SPAG17: variants seen among roughly 807,000 people sequenced by gnomAD.
SPAG17 encodes sperm associated antigen 17.
A neutral mutation model predicts 273.6 loss-of-function variants in SPAG17; 169 were observed. The ratio of observed to expected loss-of-function variants is 0.62; its 90% CI spans 0.55 to 0.70. The LOEUF is 0.70. SPAG17 is among the 30% of genes least tolerant of loss of function. The probability of loss-of-function intolerance (pLI) is 0.00; values close to 1 mark genes in which losing one functional copy is unlikely to be tolerated. For synonymous variants in SPAG17, 825 were observed against 873.2 expected (o/e 0.94, Z 0.97); for missense variants, 2,557 against 2,627.8 (o/e 0.97, Z 0.59).
chr1:118,139,575 A>G (rs1658552581), intron 3 of SPAG17, among the ~76,000 whole-genome samples: 1 of 152,220 alleles, frequency 6.6e-6, no homozygotes, highest in South Asian at 2.1e-4. Flanking sequence ...GCGTTCATCA[A>G]CATATGGATA....
At chr1:118,029,272 T>C (rs997695013) in intron 25 of SPAG17, among the ~76,000 whole-genome samples, 2 of 152,086 alleles carry the variant, frequency 1.3e-5, no homozygotes. Flanking sequence ...AGAAACAGGC[T>C]CTTACCAGAC....
At chr1:118,085,064 C>T (rs1353464499) in intron 13 of SPAG17, among the ~76,000 whole-genome samples, 7 of 152,176 alleles carry the variant, frequency 4.6e-5, no homozygotes, top group African/African-American at 1.7e-4. Context: ...ATATCTACAT[C>T]TGCCTCCCAA....
chr1:118,059,701 C>G (rs1012842299), intron 18 of SPAG17, among the ~76,000 whole-genome samples: 1 of 151,888 alleles, frequency 6.6e-6, no homozygotes, highest in Non-Finnish European at 1.5e-5. Flanking sequence ...CTTTCTTTAC[C>G]TTTTGTAACA....
intron 13 of SPAG17, among the ~76,000 whole-genome samples, chr1:118,085,067 C>A (rs1654881468): frequency 6.6e-6 from 1 of 152,166 alleles, no homozygotes; most frequent in South Asian, 2.1e-4. Flanking sequence ...TCTACATCTG[C>A]CTCCCAAGTC....
chr1:118,110,918 T>C (rs2102244807), intron 4 of SPAG17, among the ~76,000 whole-genome samples: 1 of 152,300 alleles, frequency 6.6e-6, no homozygotes, highest in Non-Finnish European at 1.5e-5. Context: ...GAATCCCAGC[T>C]CTTCCACTGA....
chr1:118,144,646 TC>T (rs1658871380), intron 3 of SPAG17, among the ~76,000 whole-genome samples: 3 of 152,210 alleles, frequency 2.0e-5, no homozygotes, highest in Non-Finnish European at 2.9e-5. Context: ...GATAGTGGTT[TC>T]TAAATGTGGA....
chr1:117,958,046 C>T (rs1049090583), intron 48 of SPAG17, among the ~76,000 whole-genome samples: 79 of 152,182 alleles, frequency 5.2e-4, no homozygotes, highest in African/African-American at 1.8e-3. Flanking sequence ...ATCTCTCACC[C>T]TCATTCTCAA....
intron 48 of SPAG17, among the ~76,000 whole-genome samples, chr1:117,958,078 G>C (rs770169214): frequency 1.3e-5 from 2 of 152,156 alleles, no homozygotes; most frequent in Non-Finnish European, 2.9e-5. Context: ...AGAGAACAGG[G>C]ATGGAGACAA....
intron 48 of SPAG17, chr1:117,954,733 C>T: frequency 8.6e-7 from 1 of 1,164,292 alleles, no homozygotes; most frequent in Non-Finnish European, 1.2e-6. Flanking sequence ...ATTGGGAATA[C>T]TTTGTCTTCA....
intron 18 of SPAG17, among the ~76,000 whole-genome samples, chr1:118,056,442 A>T (rs1651683179): frequency 6.6e-6 from 1 of 152,176 alleles, no homozygotes; most frequent in African/African-American, 2.4e-5. Flanking sequence ...ACTATTCTCT[A>T]ACTGCTTGTG....
At chr1:118,072,657 A>T (rs546618999) in intron 17 of SPAG17, among the ~76,000 whole-genome samples, 5 of 152,360 alleles carry the variant, frequency 3.3e-5, no homozygotes, top group African/African-American at 1.2e-4. Flanking sequence ...CATACAGGAA[A>T]TGTAATTATA....
chr1:118,064,178 C>T (rs540213696), intron 18 of SPAG17, among the ~76,000 whole-genome samples: 14 of 152,224 alleles, frequency 9.2e-5, no homozygotes, highest in Non-Finnish European at 1.6e-4. Context: ...GTCAGTGTGG[C>T]GATTCCTCAG....
chr1:117,992,537 G>A lies in SPAG17; in HGVS notation c.5290C>T (p.Gln1764Ter). 6.2e-7 allele frequency: 1 copy of A among 1,613,818 alleles called. No individual in the cohort carries two copies. The highest frequency in any genetic ancestry group is 8.5e-7 in the Non-Finnish European group (1 of 1,179,844). ...TCATGCTGAATGAATTGGCGCATCT[G>A]TAGCACACTGGGGCTCTTGAGTATG... ...GAILKSPSVL[Q>*]MRQFIQHEVI... is the part of the protein sequence containing the mutation. The change falls in exon 36 of 49, where the codon CAG becomes TAG. Residue 1764 changes from glutamine to a stop codon, truncating the protein, a stop_gained. Transcript: ENST00000336338. LOFTEE classifies it high-confidence loss of function.
intron 1 of SPAG17, among the ~76,000 whole-genome samples, chr1:118,158,869 A>T (rs1659779820): frequency 1.3e-5 from 2 of 152,250 alleles, no homozygotes; most frequent in Admixed American, 1.3e-4. Flanking sequence ...ACTCAAAGTG[A>T]TGCCCTGCTA....
chr1:118,091,240 C>G (rs1288572163), intron 10 of SPAG17, among the ~76,000 whole-genome samples: 2 of 152,092 alleles, frequency 1.3e-5, no homozygotes, highest in African/African-American at 2.4e-5. Flanking sequence ...ATACAAAAAT[C>G]TAGTTAAATC....
intron 46 of SPAG17, among the ~76,000 whole-genome samples, chr1:117,967,061 A>G (rs905038381): frequency 1.3e-5 from 2 of 152,158 alleles, no homozygotes; most frequent in South Asian, 2.1e-4. Context: ...AAATTTTGCA[A>G]TACTCCTAAT....
At chr1:118,043,649 G>C (rs372902915) in intron 20 of SPAG17, among the ~76,000 whole-genome samples, 8 of 152,104 alleles carry the variant, frequency 5.3e-5, no homozygotes, top group African/African-American at 1.2e-4. Flanking sequence ...TATTGTAGGG[G>C]TACTTATACT....
intron 20 of SPAG17, among the ~76,000 whole-genome samples, chr1:118,051,751 T>C (rs1651041778): frequency 6.9e-6 from 1 of 144,846 alleles, no homozygotes; most frequent in South Asian, 2.1e-4. Context: ...ATATATTATA[T>C]ATAGTATAAT....
At chr1:118,180,829 T>G (rs1254823288) in intron 1 of SPAG17, among the ~76,000 whole-genome samples, 1 of 152,016 alleles carries the variant, frequency 6.6e-6, no homozygotes, top group African/African-American at 2.4e-5. Context: ...AATATAAATT[T>G]CTTTGGTAAA....
Sources: allele counts gnomAD v4.1 joint callset (sites outside exome capture counted in the v4.1 genomes callset), GRCh38; gene constraint gnomAD v4.1.1; transcripts MANE v1.5; gene names NCBI Gene and HGNC (gene_info 2026-07-23, HGNC 2026-07-21).